FAM107B: variants seen among roughly 807,000 people sequenced by gnomAD.
FAM107B encodes family with sequence similarity 107 member B, also known as protein FAM107B.
FAM107B carries 21 observed loss-of-function variants against 31.5 expected under a neutral mutation model. The ratio of observed to expected loss-of-function variants is 0.67; its 90% CI spans 0.47 to 0.96. The LOEUF (loss-of-function observed/expected upper bound fraction) is 0.96, where lower values mean the gene tolerates loss of function less well. FAM107B is among the 40% of genes least tolerant of loss of function. The pLI is 0.00. For synonymous variants in FAM107B, 157 were observed against 141.5 expected, an observed-to-expected ratio of 1.11 and a Z score of -0.78; for missense variants, 452 against 377.1, an observed-to-expected ratio of 1.20 and a Z score of -1.64.
intron 2 of FAM107B, among the ~76,000 whole-genome samples, chr10:14,531,506 G>A: frequency 6.8e-6 from 1 of 146,310 alleles, no homozygotes. Context: ...GGGTGACAGA[G>A]CAAGAGCAAG....
At chr10:14,538,857 G>A (rs1255274100) in intron 2 of FAM107B, among the ~76,000 whole-genome samples, 1 of 152,182 alleles carries the variant, frequency 6.6e-6, no homozygotes, top group Non-Finnish European at 1.5e-5. Context: ...CACCCATCTT[G>A]AATTAGAATC....
At chr10:14,565,389 T>TGGAGCACAA (rs1215240439) in intron 2 of FAM107B, among the ~76,000 whole-genome samples, 28 of 152,078 alleles carry the variant, frequency 1.8e-4, no homozygotes, top group African/African-American at 6.8e-4. Flanking sequence ...CGCATGGGCT[T>TGGAGCACAA]GGAGCACAAG....
At chr10:14,648,014 G>T (rs1239379231) in intron 2 of FAM107B, among the ~76,000 whole-genome samples, 1 of 150,430 alleles carries the variant, frequency 6.6e-6, no homozygotes, top group Admixed American at 6.6e-5. Context: ...AAAAAAAAAG[G>T]CGATATAAAA....
chr10:14,668,053 G>A (rs921754099), intron 1 of FAM107B, among the ~76,000 whole-genome samples: 1 of 150,914 alleles, frequency 6.6e-6, no homozygotes, highest in African/African-American at 2.5e-5. Context: ...TTGTTTTTTG[G>A]GTTTTTTTTG....
At chr10:14,611,484 TTATATATATATATATATATATATATATA>T (rs3035276) in intron 2 of FAM107B, among the ~76,000 whole-genome samples, 25 of 124,692 alleles carry the variant, frequency 2.0e-4, no homozygotes, top group South Asian at 2.8e-4. Context: ...AATGCCAGTT[TTATATATATATATATATATATATATATA>T]TATATATATA....
At chr10:14,698,350 G>A (rs976125461) in intron 1 of FAM107B, among the ~76,000 whole-genome samples, 6 of 152,204 alleles carry the variant, frequency 3.9e-5, no homozygotes, top group African/African-American at 1.4e-4. Context: ...AGCAAAAGGA[G>A]AAAGAAGTGA....
At chr10:14,740,353 T>C (rs1856407401) in intron 1 of FAM107B, among the ~76,000 whole-genome samples, 1 of 152,154 alleles carries the variant, frequency 6.6e-6, no homozygotes, top group Admixed American at 6.5e-5. Context: ...AAAGCCAGTC[T>C]GAAAAGGATA....
chr10:14,612,053 G>T (rs1852740735), intron 2 of FAM107B, among the ~76,000 whole-genome samples: 1 of 151,524 alleles, frequency 6.6e-6, no homozygotes, highest in Non-Finnish European at 1.5e-5. Context: ...TTTAGTTGTT[G>T]TGCTCCCCAG....
At chr10:14,669,859 A>T (rs902171418) in intron 1 of FAM107B, among the ~76,000 whole-genome samples, 1 of 152,268 alleles carries the variant, frequency 6.6e-6, no homozygotes, top group African/African-American at 2.4e-5. Context: ...TCTAATGTTC[A>T]TAGCAGAGCA....
At chr10:14,684,729 A>C (rs1338144155) in intron 1 of FAM107B, among the ~76,000 whole-genome samples, 1 of 152,232 alleles carries the variant, frequency 6.6e-6, no homozygotes, top group Non-Finnish European at 1.5e-5. Flanking sequence ...TGGTTTCACA[A>C]AATTAGTAAT....
At chr10:14,595,422 C>CTTTT (rs35540585) in intron 2 of FAM107B, among the ~76,000 whole-genome samples, 2,167 of 97,826 alleles carry the variant, frequency 0.022, 78 homozygotes, top group Non-Finnish European at 0.03. Flanking sequence ...CTAGGGCAAC[C>CTTTT]TTTTTTTTTT....
intron 1 of FAM107B, among the ~76,000 whole-genome samples, chr10:14,669,381 A>AAG: frequency 6.6e-6 from 1 of 151,750 alleles, no homozygotes; most frequent in South Asian, 2.1e-4. Flanking sequence ...AAAAAAAAAA[A>AAG]AAAGGAAGAA....
chr10:14,654,338 C>A (rs1329154161), intron 2 of FAM107B, among the ~76,000 whole-genome samples: 1 of 152,180 alleles, frequency 6.6e-6, no homozygotes, highest in Non-Finnish European at 1.5e-5. Flanking sequence ...TTCAGAATTA[C>A]TTCCTATTTT....
At chr10:14,639,279 A>C (rs954820582) in intron 2 of FAM107B, among the ~76,000 whole-genome samples, 1 of 152,148 alleles carries the variant, frequency 6.6e-6, no homozygotes. Flanking sequence ...CTGACTAACC[A>C]AGCCAAAGAC....
intron 1 of FAM107B, among the ~76,000 whole-genome samples, chr10:14,760,967 G>A (rs1357629125): frequency 2.8e-5 from 4 of 140,462 alleles, no homozygotes; most frequent in Non-Finnish European, 4.5e-5. Context: ...AGCTGAGATC[G>A]TGCCACTGCA....
chr10:14,729,755 A>G (rs1028176843), intron 1 of FAM107B, among the ~76,000 whole-genome samples: 2 of 152,230 alleles, frequency 1.3e-5, no homozygotes, highest in Non-Finnish European at 2.9e-5. Flanking sequence ...TTATTGCAGC[A>G]CTATTTACAA....
At chr10:14,565,611 T>C (rs17155483) in intron 2 of FAM107B, among the ~76,000 whole-genome samples, 28,701 of 152,142 alleles carry the variant, frequency 0.19, 2,944 homozygotes, top group East Asian at 0.42. Flanking sequence ...TGCACTGACA[T>C]AGGTGCTTGA....
intron 2 of FAM107B, among the ~76,000 whole-genome samples, chr10:14,653,644 C>G (rs988606055): frequency 2.0e-5 from 3 of 152,130 alleles, no homozygotes; most frequent in Admixed American, 6.5e-5. Context: ...TCCTTGGTGG[C>G]AATGCACAGT....
intron 1 of FAM107B, among the ~76,000 whole-genome samples, chr10:14,725,379 C>T (rs542114634): frequency 6.6e-6 from 1 of 152,222 alleles, no homozygotes; most frequent in Admixed American, 6.5e-5. Flanking sequence ...ATCTTTAACT[C>T]TGGATTTCAT....
Sources: allele counts gnomAD v4.1 joint callset (sites outside exome capture counted in the v4.1 genomes callset), GRCh38; gene constraint gnomAD v4.1.1; transcripts MANE v1.5; gene names NCBI Gene and HGNC (gene_info 2026-07-23, HGNC 2026-07-21).